UNC79: variants seen among roughly 807,000 people sequenced by gnomAD.
UNC79 encodes the protein unc-79 subunit of NALCN channel complex, also known as protein unc-79 homolog.
Under a neutral mutation model 283.1 loss-of-function variants are expected in UNC79, and 37 were observed. The observed-to-expected ratio is 0.13, with a 90% CI of 0.10 to 0.17. The LOEUF (loss-of-function observed/expected upper bound fraction) is 0.17, where lower values mean the gene tolerates loss of function less well. Ranked by LOEUF, UNC79 falls within the 10% of genes least tolerant of loss-of-function variation. UNC79 has a pLI of 1.00. For synonymous variants in UNC79, 1,107 were observed against 1,200.2 expected (o/e 0.92, Z 1.61); for missense variants, 2,272 against 3,211.1 (o/e 0.71, Z 7.07).
Position 93,690,508 on chromosome 14 carries a change from C to T in UNC79, c.7272+205C>T, listed in dbSNP as rs1435365225. On this transcript the variant is annotated intron_variant, in intron 45 of 48. Coordinates refer to ENST00000555664, the Ensembl canonical transcript of UNC79. The surrounding 1 kb of genome is among the most constrained non-coding windows in gnomAD (Gnocchi z 4.3). ...TTCCCCCCGCCCCCAAATTGTTTTT[C>T]GGCTTACTTTTATAAAGATAAATCA... The T allele has an allele frequency of 9.5e-6, 5 of 524,540 alleles. No individual in the cohort carries two copies. The highest frequency in any genetic ancestry group is 4.7e-5 in the South Asian group (1 of 21,368). The allele number at this position is 524,540 out of a possible 1,614,324, so 32.5% of individuals were successfully genotyped here. A position where few individuals can be genotyped will look rare whatever the true frequency, so the allele number is the denominator to read the frequency against.
chr14:93,529,786 C>T lies in UNC79; in HGVS notation c.1093+460C>T, dbSNP rs1595760320. Among the ~76,000 whole-genome samples, 3 of 152,118 alleles carry T rather than the reference C, an allele frequency of 2.0e-5. No individual in the cohort carries two copies. In the East Asian group the frequency reaches 5.8e-4, roughly 29 times the overall value. On this transcript the variant is annotated intron_variant, in intron 10 of 48. Transcript: ENST00000555664. ...ATTGAATGTCTCTGAGGCTCAGTTT[C>T]CTCATCAGTAAAATGGGGATAAAGT...
intron 1 of UNC79, among the ~76,000 whole-genome samples, chr14:93,375,472 A>C (rs2054536388): frequency 1.3e-5 from 2 of 152,256 alleles, no homozygotes; most frequent in African/African-American, 4.8e-5. Flanking sequence ...TAATGGGTTA[A>C]TGGATTAATA....
intron 14 of UNC79, among the ~76,000 whole-genome samples, chr14:93,558,624 T>TACC (rs2062347180): frequency 1.0e-5 from 1 of 95,484 alleles, no homozygotes; most frequent in Non-Finnish European, 2.1e-5. Flanking sequence ...TTTTTTTTTT[T>TACC]TTTTTTTTTT....
At chr14:93,560,017 G>C (rs1424519958) in intron 14 of UNC79, among the ~76,000 whole-genome samples, 2 of 152,024 alleles carry the variant, frequency 1.3e-5, no homozygotes, top group Non-Finnish European at 2.9e-5. Context: ...GTTGAAGGAG[G>C]ATTTTGTGGT....
chr14:93,611,505 A>G (rs2066300550), intron 26 of UNC79, among the ~76,000 whole-genome samples: 1 of 152,196 alleles, frequency 6.6e-6, no homozygotes, highest in African/African-American at 2.4e-5. Flanking sequence ...CTCCTATCCC[A>G]GAGAAAAAGT....
chr14:93,571,636 T>A (rs1233898571), intron 14 of UNC79, among the ~76,000 whole-genome samples: 1 of 152,172 alleles, frequency 6.6e-6, no homozygotes, highest in Non-Finnish European at 1.5e-5. Flanking sequence ...ATTTGGAAAA[T>A]CAACAGTAGC....
intron 1 of UNC79, among the ~76,000 whole-genome samples, chr14:93,451,258 T>A (rs999078227): frequency 9.2e-5 from 14 of 152,160 alleles, no homozygotes; most frequent in African/African-American, 3.4e-4. Flanking sequence ...AATTAAGGGC[T>A]AGAACTAAGA....
At chr14:93,353,357 T>G (rs925507070) in intron 1 of UNC79, among the ~76,000 whole-genome samples, 1 of 152,198 alleles carries the variant, frequency 6.6e-6, no homozygotes, top group Non-Finnish European at 1.5e-5. Context: ...CATGAGCCAC[T>G]GTGCCCAGCA....
In UNC79 at chr14:93,653,722, T is replaced by C; in HGVS notation, c.6084-20T>C. ...CACTGGCCCATGACTTCGTGTCTTT[T>C]CTCCCCTGTTCAACTCCAGCATGAT... On this transcript the variant is annotated intron_variant, in intron 35 of 48. Transcript: ENST00000555664. 4 of 1,603,920 alleles carry C rather than the reference T, an allele frequency of 2.5e-6. No homozygotes were observed. Among genetic ancestry groups the C allele is most frequent in the Non-Finnish European group, 3.4e-6 (4 of 1,172,842 alleles).
chr14:93,344,624 C>T (rs530825110), intron 1 of UNC79, among the ~76,000 whole-genome samples: 33 of 152,354 alleles, frequency 2.2e-4, no homozygotes, highest in Admixed American at 1.1e-3. Context: ...CCAGCCCTCT[C>T]TTTGGTCCAA....
chr14:93,669,379 C>G (rs866984531), intron 40 of UNC79, among the ~76,000 whole-genome samples: 7 of 152,114 alleles, frequency 4.6e-5, no homozygotes, highest in African/African-American at 1.7e-4. Flanking sequence ...CCATTTTTAC[C>G]CAGGGAGTGT....
chr14:93,423,061 TCAA>T (rs2055636360), intron 1 of UNC79, among the ~76,000 whole-genome samples: 1 of 15,726 alleles, frequency 6.4e-5, no homozygotes, highest in Non-Finnish European at 1.1e-4. Context: ...AGACTCTGTC[TCAA>T]AAAAAAAAAA....
chr14:93,562,055 G>A (rs1205855139), intron 14 of UNC79, among the ~76,000 whole-genome samples: 2 of 152,224 alleles, frequency 1.3e-5, no homozygotes, highest in East Asian at 3.8e-4. Flanking sequence ...AGAAATGCAA[G>A]TGAGTTTAAG....
intron 14 of UNC79, among the ~76,000 whole-genome samples, chr14:93,543,751 AT>A (rs935214930): frequency 5.3e-5 from 8 of 151,982 alleles, no homozygotes; most frequent in African/African-American, 1.9e-4. Context: ...AATATGTGAA[AT>A]TTTTTTTCCA....
chr14:93,552,665 T>A (rs2061958898), intron 14 of UNC79, among the ~76,000 whole-genome samples: 2 of 152,220 alleles, frequency 1.3e-5, no homozygotes, highest in East Asian at 3.8e-4. Context: ...ATTATTTGCG[T>A]GAAGTGCAGC....
chr14:93,617,065 G>T lies in UNC79; in HGVS notation c.4042-57G>T. On this transcript the variant is annotated intron_variant, in intron 27 of 48. Coordinates refer to ENST00000555664, the Ensembl canonical transcript of UNC79. The surrounding 1 kb of genome is among the most constrained non-coding windows in gnomAD (Gnocchi z 4.5). ...TGGGATGGCTCAAATTTTTCCTTTT[G>T]ACCTCTGAGTGTTCTTTGTAGTTTT... 2 of 1,489,298 alleles carry T rather than the reference G, an allele frequency of 1.3e-6. No individual in the cohort carries two copies. Among genetic ancestry groups the T allele is most frequent in the South Asian group, 1.4e-5 (1 of 70,204 alleles). 92.3% of individuals were successfully genotyped at this position (1,489,298 alleles called of 1,614,324 possible). A position where few individuals can be genotyped will look rare whatever the true frequency, so the allele number is the denominator to read the frequency against.
chr14:93,379,775 G>A (rs1447589235), intron 1 of UNC79, among the ~76,000 whole-genome samples: 3 of 151,994 alleles, frequency 2.0e-5, no homozygotes, highest in Admixed American at 6.6e-5. Flanking sequence ...CTTGGGTGAC[G>A]GGTGCACCAA....
chr14:93,438,924 T>G (rs558408715), intron 1 of UNC79, among the ~76,000 whole-genome samples: 23 of 152,160 alleles, frequency 1.5e-4, no homozygotes, highest in Admixed American at 1.4e-3. Context: ...ATATAGATTT[T>G]GGAATTTCTT....
At chr14:93,346,639 G>A (rs1409429553) in intron 1 of UNC79, among the ~76,000 whole-genome samples, 3 of 151,966 alleles carry the variant, frequency 2.0e-5, no homozygotes, top group African/African-American at 4.9e-5. Context: ...TTAACCTATA[G>A]ACATTTTATG....
Sources: allele counts gnomAD v4.1 joint callset (sites outside exome capture counted in the v4.1 genomes callset), GRCh38; gene constraint gnomAD v4.1.1; non-coding constraint Gnocchi (gnomAD v3.1); transcripts MANE v1.5; gene names NCBI Gene and HGNC (gene_info 2026-07-23, HGNC 2026-07-21).